The following RORA variants were observed in gnomAD, a reference collection of about 807,000 sequenced individuals.
RORA encodes nuclear receptor ROR-alpha.
RORA carries 7 observed loss-of-function variants against 69.5 expected under a neutral mutation model. The observed-to-expected ratio is 0.10, with a 90% CI of 0.06 to 0.19. The LOEUF is 0.19. Among genes scored for constraint, RORA ranks in the 10% least tolerant of loss-of-function variants. RORA has a pLI of 1.00. For missense variants in RORA, 457 were observed against 663.0 expected (o/e 0.69, Z 3.41); for synonymous variants, 261 against 240.8 (o/e 1.08, Z -0.78).
intron 1 of RORA, among the ~76,000 whole-genome samples, chr15:60,977,124 A>AAC (rs1489484872): frequency 6.6e-6 from 1 of 151,750 alleles, no homozygotes; most frequent in Non-Finnish European, 1.5e-5. Context: ...GGAAAAAAAA[A>AAC]AAAAAAACCT....
At chr15:60,867,525 T>C (rs2073504009) in intron 1 of RORA, among the ~76,000 whole-genome samples, 1 of 152,206 alleles carries the variant, frequency 6.6e-6, no homozygotes, top group African/African-American at 2.4e-5. Context: ...AGAGAATCTT[T>C]CCTCTTAGGG....
At chr15:61,063,527 C>T (rs984359734) in intron 1 of RORA, among the ~76,000 whole-genome samples, 1 of 152,126 alleles carries the variant, frequency 6.6e-6, no homozygotes, top group Non-Finnish European at 1.5e-5. Context: ...GTATGATCAA[C>T]CAACAGTGCA....
intron 6 of RORA, among the ~76,000 whole-genome samples, 180 bp from the exon 7 acceptor site, chr15:60,503,847 G>C (rs1034135443): frequency 6.6e-6 from 1 of 152,124 alleles, no homozygotes; most frequent in East Asian, 1.9e-4. Flanking sequence ...CTGTCACCCA[G>C]GCTGGAGTGC....
At chr15:61,025,484 C>A (rs1263381045) in intron 1 of RORA, among the ~76,000 whole-genome samples, 1 of 152,180 alleles carries the variant, frequency 6.6e-6, no homozygotes, top group Non-Finnish European at 1.5e-5. Context: ...GAGTCATTAC[C>A]TCACACTCTT....
At chr15:60,688,524 T>C (rs1242089653) in intron 1 of RORA, among the ~76,000 whole-genome samples, 2 of 152,202 alleles carry the variant, frequency 1.3e-5, no homozygotes, top group Non-Finnish European at 2.9e-5. Flanking sequence ...CAAACATCTC[T>C]CTGTGACTGT....
chr15:60,674,233 T>G (rs2070518674), intron 2 of RORA, among the ~76,000 whole-genome samples: 1 of 152,168 alleles, frequency 6.6e-6, no homozygotes. Flanking sequence ...GAAAACAATG[T>G]GGGTGAGCCC....
rs2065401573 is a variant in RORA at position 60,503,681 on chromosome 15, A to G, written c.943-14T>C. On this transcript the variant is annotated splice_polypyrimidine_tract_variant and intron_variant, in intron 6 of 10. Transcript: ENST00000335670. ...CACCTCCCGCTGCTGTTAAAGAGGG[A>G]AACACATTAACATCCTCCAGGAAGA... 6.2e-7 allele frequency: 1 copy of G among 1,612,890 alleles called. No individual in the cohort carries two copies. Among genetic ancestry groups the G allele is most frequent in the Non-Finnish European group, 8.5e-7 (1 of 1,179,810 alleles).
At chr15:60,993,983 G>A (rs1049986158) in intron 1 of RORA, among the ~76,000 whole-genome samples, 3 of 152,034 alleles carry the variant, frequency 2.0e-5, no homozygotes, top group Non-Finnish European at 4.4e-5. Flanking sequence ...ACCTATAAAA[G>A]GGGCAAAAAA....
intron 1 of RORA, among the ~76,000 whole-genome samples, chr15:61,154,791 T>C (rs955359737): frequency 1.1e-4 from 16 of 151,988 alleles, no homozygotes; most frequent in African/African-American, 3.9e-4. Flanking sequence ...CACATGGAAA[T>C]GTTATTAGGG....
At chr15:61,034,683 C>CTA (rs1896359015) in intron 1 of RORA, among the ~76,000 whole-genome samples, 1 of 148,756 alleles carries the variant, frequency 6.7e-6, no homozygotes, top group Admixed American at 6.9e-5. Context: ...TGATGTGTGA[C>CTA]TATAATTGTG....
chr15:60,502,146 A>T (rs1020985703), intron 8 of RORA, among the ~76,000 whole-genome samples: 5 of 152,054 alleles, frequency 3.3e-5, no homozygotes, highest in Non-Finnish European at 4.4e-5. Flanking sequence ...ATGCCCAGCT[A>T]ATTTTTGTAT....
At chr15:61,073,913 T>G (rs2078408315) in intron 1 of RORA, among the ~76,000 whole-genome samples, 1 of 152,350 alleles carries the variant, frequency 6.6e-6, no homozygotes, top group African/African-American at 2.4e-5. Context: ...GATACATTAA[T>G]TTTCTGGAAT....
At chr15:60,951,587 A>G (rs1893097265) in intron 1 of RORA, among the ~76,000 whole-genome samples, 1 of 150,670 alleles carries the variant, frequency 6.6e-6, no homozygotes, top group Non-Finnish European at 1.5e-5. Flanking sequence ...AATAGACACA[A>G]TAAAAAATGA....
Position 61,092,019 on chromosome 15 carries a change from C to G in RORA, c.166+137034G>C, listed in dbSNP as rs926207586. On this transcript the variant is annotated intron_variant, in intron 1 of 10. Coordinates refer to ENST00000335670, the MANE Select transcript of RORA (RefSeq NM_134261.3). ...ACCGTAGTCAAACAATTGAACAAACCAAGATATAAATAAAGCTAAAGTTGG... is the reference window on the plus strand; with the variant it reads ...ACCGTAGTCAAACAATTGAACAAACGAAGATATAAATAAAGCTAAAGTTGG... Among the ~76,000 whole-genome samples the G allele has an allele frequency of 1.6e-4, 25 of 151,980 alleles. 1 individual carries two copies. The highest frequency in any genetic ancestry group is 7.4e-5 in the Non-Finnish European group (5 of 67,986).
chr15:60,876,414 G>T (rs2073616909), intron 1 of RORA, among the ~76,000 whole-genome samples: 1 of 151,866 alleles, frequency 6.6e-6, no homozygotes, highest in South Asian at 2.1e-4. Flanking sequence ...GGCCATATTG[G>T]GCTTAAATTT....
rs538636223 is a variant in RORA at position 60,937,466 on chromosome 15, C to T, written c.167-258780G>A. On this transcript the variant is annotated intron_variant, in intron 1 of 10. Transcript: ENST00000335670. ...TTATGCCAAGAGTTACCAAACAGCA[C>T]AGGAAAATATTATCACAGATTTCCT... Among the ~76,000 whole-genome samples, 6 of 152,282 alleles carry T rather than the reference C, an allele frequency of 3.9e-5. No homozygotes were observed. In the South Asian group the frequency reaches 1.2e-3, roughly 32 times the overall value.
At chr15:60,739,820 T>C (rs1311742768) in intron 1 of RORA, among the ~76,000 whole-genome samples, 1 of 152,074 alleles carries the variant, frequency 6.6e-6, no homozygotes, top group Non-Finnish European at 1.5e-5. Flanking sequence ...GGAAACGATT[T>C]CTTTTTTTAA....
At chr15:60,886,957 C>T (rs1567225938) in intron 1 of RORA, among the ~76,000 whole-genome samples, 1 of 152,156 alleles carries the variant, frequency 6.6e-6, no homozygotes, top group Non-Finnish European at 1.5e-5. Flanking sequence ...CCCAACAGCC[C>T]ACTAGAACAA....
intron 1 of RORA, among the ~76,000 whole-genome samples, chr15:61,022,000 T>C (rs1895551643): frequency 6.6e-6 from 1 of 152,218 alleles, no homozygotes; most frequent in Non-Finnish European, 1.5e-5. Context: ...AATAGCTATG[T>C]GCTGACCCAA....
Sources: gnomAD v4.1 joint callset for allele counts (sites outside exome capture counted in the v4.1 genomes callset) on GRCh38, gnomAD v4.1.1 for gene constraint, MANE v1.5 for transcripts, NCBI Gene and HGNC (gene_info 2026-07-23, HGNC 2026-07-21) for gene names.